Variants in CELF2 observed in about 807,000 individuals in gnomAD.
The protein encoded by CELF2 is CUGBP Elav-like family member 2.
A neutral mutation model predicts 62.6 loss-of-function variants in CELF2; 8 were observed. The observed-to-expected ratio is 0.13, with a 90% CI of 0.07 to 0.23. The LOEUF is 0.23. CELF2 is among the 10% of genes least tolerant of loss of function. The probability of loss-of-function intolerance (pLI) is 1.00; values close to 1 mark genes in which losing one functional copy is unlikely to be tolerated. For missense variants in CELF2, 333 were observed against 671.0 expected (o/e 0.50, Z 5.56); for synonymous variants, 258 against 250.0 (o/e 1.03, Z -0.30).
At chr10:10,528,187 C>T in the CELF2 span, among the ~76,000 whole-genome samples, 4 of 151,700 alleles carry the variant, frequency 2.6e-5, no homozygotes, top group Admixed American at 2.6e-4. Flanking sequence ...GTGTGATTGT[C>T]ATAAAGTTAA....
chr10:10,523,249 A>G, the CELF2 span, among the ~76,000 whole-genome samples: 2 of 152,196 alleles, frequency 1.3e-5, no homozygotes, highest in Admixed American at 1.3e-4. Flanking sequence ...GTTTAATGTA[A>G]GTTAGGAGGT....
chr10:11,323,433 T>TAA (rs1488898338), intron 11 of CELF2, among the ~76,000 whole-genome samples: 1 of 145,618 alleles, frequency 6.9e-6, no homozygotes, highest in Non-Finnish European at 1.5e-5. Context: ...AAAATAATAA[T>TAA]AATAATAATA....
At chr10:10,536,541 T>C in the CELF2 span, among the ~76,000 whole-genome samples, 2 of 152,186 alleles carry the variant, frequency 1.3e-5, no homozygotes, top group African/African-American at 4.8e-5. Context: ...TATGTCCATT[T>C]TGTGGCTGGC....
chr10:10,712,518 T>C, the CELF2 span, among the ~76,000 whole-genome samples: 4 of 152,178 alleles, frequency 2.6e-5, no homozygotes, highest in African/African-American at 7.2e-5. Flanking sequence ...GGCCCTCCTT[T>C]CCTACCCTCT....
Position 11,165,688 on chromosome 10 carries a change from G to T in CELF2, c.271+6G>T. 6.2e-7 allele frequency: 1 copy of T among 1,608,916 alleles called. No individual in the cohort carries two copies. Reference sequence around the variant, plus strand: ...GAACCCTCCGCAGAGTAAAGGTACAGAGCGCGGGGCGGGGGTCGCCAGGCG... The same window carrying T: ...GAACCCTCCGCAGAGTAAAGGTACATAGCGCGGGGCGGGGGTCGCCAGGCG... On this transcript the variant is annotated splice_donor_region_variant and intron_variant, in intron 2 of 12. Coordinates refer to ENST00000633077, the MANE Select transcript of CELF2 (RefSeq NM_001326342.2). This position sits in a 1 kb window ranked among gnomAD's most constrained non-coding sequence, Gnocchi z 7.4.
chr10:11,156,878 A>T lies in CELF2; in HGVS notation c.75-8608A>T, dbSNP rs2064551536. Among the ~76,000 whole-genome samples, 1 of 152,254 alleles carries T rather than the reference A, an allele frequency of 6.6e-6. No individual in the cohort carries two copies. The highest frequency in any genetic ancestry group is 6.5e-5 in the Admixed American group (1 of 15,286). ...TGAGCCAGTATGAAAGACAGGGAAG[A>T]TGAGCCTAAAAGCTGATTGGAGGAA... On this transcript the variant is annotated intron_variant, in intron 1 of 12. Transcript: ENST00000633077. This position sits in a 1 kb window ranked among gnomAD's most constrained non-coding sequence, Gnocchi z 4.3.
rs1472757753 is a variant in CELF2, at chr10:10,931,209, A to G, written c.89+11210A>G. 6.6e-6 allele frequency among the ~76,000 whole-genome samples: 1 copy of G among 152,152 alleles called. No individual in the cohort carries two copies. The highest frequency in any genetic ancestry group is 1.9e-4 in the East Asian group (1 of 5,198). ...CCTTTTGGACTGAAACCACTCAAGCATCCTATATTGTGTTCATTTTTCAAA... is the reference window on the plus strand; with the variant it reads ...CCTTTTGGACTGAAACCACTCAAGCGTCCTATATTGTGTTCATTTTTCAAA... On this transcript the variant is annotated intron_variant, in intron 2 of 13. Coordinates refer to the CELF2 transcript ENST00000636488. This position sits in a 1 kb window ranked among gnomAD's most constrained non-coding sequence, Gnocchi z 6.1.
intron 2 of CELF2, among the ~76,000 whole-genome samples, chr10:11,183,727 G>A (rs2074106753): frequency 1.3e-5 from 2 of 152,098 alleles, no homozygotes; most frequent in Admixed American, 6.5e-5. Context: ...TGTTTGATTC[G>A]TGTATATCTA....
chr10:10,778,490 C>G, the CELF2 span, among the ~76,000 whole-genome samples: 2 of 152,088 alleles, frequency 1.3e-5, no homozygotes, highest in East Asian at 3.8e-4. Flanking sequence ...GAAATGGGAG[C>G]TCAAAAAATA....
In CELF2 at chr10:11,314,594, CGGTG is replaced by C. The variant is rs1555110594; in HGVS notation, c.1096+339_1096+342del. 18 of 368,996 alleles carry C rather than the reference CGGTG, an allele frequency of 4.9e-5. No homozygotes were observed. The highest frequency in any genetic ancestry group is 2.1e-5 in the Non-Finnish European group (4 of 190,410). The allele number at this position is 368,996 out of a possible 1,614,324, so 22.9% of individuals were successfully genotyped here. Reference sequence around the variant, plus strand: ...TTCTGTCCTGCGAGGCAGGGTGTTACGGTGGGAAAAGTTAATGGACTGGAAGGCT... The same window carrying C: ...TTCTGTCCTGCGAGGCAGGGTGTTACGGAAAAGTTAATGGACTGGAAGGCT... On this transcript the variant is annotated intron_variant, in intron 10 of 12. Transcript: ENST00000633077. This position sits in a 1 kb window ranked among gnomAD's most constrained non-coding sequence, Gnocchi z 5.3.
At chr10:11,082,005 A>G (rs891581710) in intron 1 of CELF2, among the ~76,000 whole-genome samples, 2 of 152,122 alleles carry the variant, frequency 1.3e-5, no homozygotes, top group African/African-American at 4.8e-5. Flanking sequence ...AGACTTGCAG[A>G]TTTGCCTGTC....
intron 1 of CELF2, among the ~76,000 whole-genome samples, chr10:11,086,871 T>C (rs1301713878): frequency 6.6e-6 from 1 of 152,170 alleles, no homozygotes; most frequent in Non-Finnish European, 1.5e-5. Context: ...CTTGCTTTCT[T>C]AAAGGGACAG....
the CELF2 span, among the ~76,000 whole-genome samples, chr10:10,590,454 G>T: frequency 6.6e-6 from 1 of 152,204 alleles, no homozygotes; most frequent in Admixed American, 6.5e-5. Context: ...AGAGTAAGTT[G>T]TATAATAAAA....
chr10:11,104,853 G>T (rs4750018), intron 1 of CELF2, among the ~76,000 whole-genome samples: 3 of 152,134 alleles, frequency 2.0e-5, no homozygotes, highest in Admixed American at 6.5e-5. Context: ...CAGTATCAAC[G>T]CTTGTAGGTA....
chr10:11,044,453 A>G (rs1316437135), intron 1 of CELF2, among the ~76,000 whole-genome samples: 1 of 152,058 alleles, frequency 6.6e-6, no homozygotes, highest in Admixed American at 6.5e-5. Flanking sequence ...TTTTTTTTAC[A>G]TCTTGCAAAA....
chr10:10,878,263 A>G (rs955738242), intron 1 of CELF2, among the ~76,000 whole-genome samples: 1 of 152,090 alleles, frequency 6.6e-6, no homozygotes, highest in South Asian at 2.1e-4. Flanking sequence ...GCTTGGACCC[A>G]AGGGCCACTC....
chr10:10,720,766 A>G, the CELF2 span, among the ~76,000 whole-genome samples: 1 of 152,180 alleles, frequency 6.6e-6, no homozygotes, highest in Admixed American at 6.5e-5. Flanking sequence ...GACCCAAGTC[A>G]TCTTGATGAT....
At chr10:11,286,267 G>A (rs979189274) in intron 8 of CELF2, among the ~76,000 whole-genome samples, 1 of 152,202 alleles carries the variant, frequency 6.6e-6, no homozygotes, top group East Asian at 1.9e-4. Flanking sequence ...AGGGGGACCC[G>A]CTGGCCTAAG....
the CELF2 span, among the ~76,000 whole-genome samples, chr10:10,659,996 A>G: frequency 6.6e-6 from 1 of 152,204 alleles, no homozygotes; most frequent in African/African-American, 2.4e-5. Context: ...GAGATGTGAC[A>G]ATAGAAGTTC....
Sources: gnomAD v4.1 joint callset for allele counts (sites outside exome capture counted in the v4.1 genomes callset) on GRCh38, gnomAD v4.1.1 for gene constraint, Gnocchi (gnomAD v3.1) non-coding constraint, MANE v1.5 for transcripts, NCBI Gene and HGNC (gene_info 2026-07-23, HGNC 2026-07-21) for gene names.